The following DNM3 variants were observed in gnomAD, a reference collection of about 807,000 sequenced individuals.
DNM3 encodes the protein dynamin-3.
In DNM3, 47 loss-of-function variants were observed where a neutral mutation model predicts 101.6. That is an observed-to-expected ratio of 0.46 (90% CI 0.37 to 0.59). DNM3 has a LOEUF of 0.59. Among genes scored for constraint, DNM3 ranks in the 20% least tolerant of loss-of-function variants. DNM3 has a pLI of 0.00. For missense variants in DNM3, 849 were observed against 1,085.7 expected, an observed-to-expected ratio of 0.78 and a Z score of 3.06; for synonymous variants, 385 against 387.9, an observed-to-expected ratio of 0.99 and a Z score of 0.09.
chr1:172,137,665 G>C (rs2057316542), intron 14 of DNM3: 1 of 152,142 alleles, frequency 6.6e-6, no homozygotes, highest in African/African-American at 2.4e-5. Flanking sequence ...AAAAAGTTTT[G>C]AGTAGCCTTG....
chr1:172,000,592 A>T (rs1051066538), intron 4 of DNM3, among the ~76,000 whole-genome samples: 4 of 152,100 alleles, frequency 2.6e-5, no homozygotes, highest in Non-Finnish European at 5.9e-5. Flanking sequence ...TCAGTAGTAA[A>T]CAGAAAGAAA....
intron 1 of DNM3, among the ~76,000 whole-genome samples, chr1:171,896,737 AT>A (rs1172004463): frequency 2.6e-5 from 4 of 151,962 alleles, no homozygotes; most frequent in African/African-American, 4.8e-5. Context: ...AACACTTGCA[AT>A]TTTTTTCTGA....
intron 2 of DNM3, among the ~76,000 whole-genome samples, chr1:171,976,768 G>A (rs2044404889): frequency 6.6e-6 from 1 of 152,118 alleles, no homozygotes; most frequent in South Asian, 2.1e-4. Context: ...ATATTATAAT[G>A]TATCCAGCAA....
At chr1:172,097,535 C>G (rs1393590013) in intron 13 of DNM3, among the ~76,000 whole-genome samples, 1 of 152,144 alleles carries the variant, frequency 6.6e-6, no homozygotes, top group South Asian at 2.1e-4. Context: ...TCAATAAATA[C>G]ATGGTATCCG....
intron 6 of DNM3, among the ~76,000 whole-genome samples, chr1:172,037,397 C>T (rs934029070): frequency 6.6e-6 from 1 of 152,156 alleles, no homozygotes; most frequent in African/African-American, 2.4e-5. Flanking sequence ...ACCCAAATGT[C>T]CAACAATGAT....
chr1:172,154,948 A>C (rs943981407), intron 14 of DNM3, among the ~76,000 whole-genome samples: 1 of 152,094 alleles, frequency 6.6e-6, no homozygotes, highest in African/African-American at 2.4e-5. Flanking sequence ...CTAAGTTTTA[A>C]TATAGCTATT....
intron 15 of DNM3, among the ~76,000 whole-genome samples, chr1:172,290,261 C>T (rs984687151): frequency 1.1e-4 from 17 of 151,896 alleles, no homozygotes; most frequent in African/African-American, 2.9e-4. Flanking sequence ...ATGATGAAAA[C>T]GGAATAATGA....
intron 2 of DNM3, among the ~76,000 whole-genome samples, chr1:171,948,889 G>A (rs2042330279): frequency 6.6e-6 from 1 of 152,076 alleles, no homozygotes. Flanking sequence ...AAAATGCAGT[G>A]TTATGTGACT....
intron 14 of DNM3, among the ~76,000 whole-genome samples, chr1:172,148,482 G>A (rs570740306): frequency 1.6e-4 from 25 of 152,120 alleles, no homozygotes; most frequent in African/African-American, 5.8e-4. Context: ...ATTTATATAT[G>A]TGTCTGCAGC....
At chr1:172,226,164 T>C (rs1039746115) in intron 14 of DNM3, among the ~76,000 whole-genome samples, 5 of 152,152 alleles carry the variant, frequency 3.3e-5, no homozygotes, top group African/African-American at 1.2e-4. Context: ...GGTCAACAGA[T>C]ATCTTCATTT....
chr1:171,971,297 C>T (rs1305977745), intron 2 of DNM3, among the ~76,000 whole-genome samples: 1 of 151,914 alleles, frequency 6.6e-6, no homozygotes, highest in Admixed American at 6.6e-5. Context: ...ATGAAGTCTC[C>T]TAAGTCTAAT....
chr1:172,134,029 A>G (rs2057085527), intron 14 of DNM3, among the ~76,000 whole-genome samples: 1 of 152,138 alleles, frequency 6.6e-6, no homozygotes, highest in African/African-American at 2.4e-5. Flanking sequence ...GATTGTGCAT[A>G]ATAAGTGGTA....
chr1:172,408,751 A>T lies in DNM3; in HGVS notation c.*910A>T. ...TTTTACTATTATTATTTTGGTTGGA[A>T]AAAAAATTCACTCTTTACGTGCTAA... is the stretch of plus-strand genomic sequence containing the variant. On this transcript the variant is annotated 3_prime_UTR_variant, in exon 21 of 21. Coordinates refer to ENST00000627582, the MANE Select transcript of DNM3 (RefSeq NM_015569.5). 3 of 985,260 alleles carry T rather than the reference A, an allele frequency of 3.0e-6. No homozygotes were observed. The highest frequency in any genetic ancestry group is 3.6e-6 in the Non-Finnish European group (3 of 829,820). The allele number at this position is 985,260 out of a possible 1,614,324, so 61.0% of individuals were successfully genotyped here.
intron 12 of DNM3, among the ~76,000 whole-genome samples, chr1:172,088,247 G>A (rs1401160222): frequency 6.6e-6 from 1 of 152,128 alleles, no homozygotes; most frequent in Non-Finnish European, 1.5e-5. Flanking sequence ...GGCTTTGGGA[G>A]TGCATGAAAA....
intron 20 of DNM3, among the ~76,000 whole-genome samples, chr1:172,397,502 T>C (rs929068162): frequency 6.6e-6 from 1 of 152,214 alleles, no homozygotes; most frequent in Non-Finnish European, 1.5e-5. Context: ...GTGATTAGCT[T>C]ACTTAAGTGT....
chr1:172,359,305 ATCT>A (rs1033328914), intron 17 of DNM3, among the ~76,000 whole-genome samples: 3 of 151,784 alleles, frequency 2.0e-5, no homozygotes, highest in African/African-American at 4.8e-5. Flanking sequence ...CTTCTTAGAA[ATCT>A]TCTTGCTGTT....
At chr1:171,852,425 G>A (rs144616222) in intron 1 of DNM3, among the ~76,000 whole-genome samples, 22 of 152,306 alleles carry the variant, frequency 1.4e-4, no homozygotes, top group Non-Finnish European at 1.3e-4. Context: ...ATCATATGTT[G>A]AGAGTCCACA....
intron 1 of DNM3, among the ~76,000 whole-genome samples, chr1:171,879,006 G>C (rs1223533939): frequency 1.3e-5 from 2 of 152,166 alleles, no homozygotes; most frequent in African/African-American, 4.8e-5. Context: ...TTTTCTGTCA[G>C]AGTGTATGTA....
chr1:172,290,930 G>C (rs10911502), intron 15 of DNM3, among the ~76,000 whole-genome samples: 43,458 of 151,996 alleles, frequency 0.29, 6,347 homozygotes, highest in African/African-American at 0.33. Context: ...TGGGAGTCAG[G>C]CGGGTGTGAT....
Sources: allele counts gnomAD v4.1 joint callset (sites outside exome capture counted in the v4.1 genomes callset), GRCh38; gene constraint gnomAD v4.1.1; transcripts MANE v1.5; gene names NCBI Gene and HGNC (gene_info 2026-07-23, HGNC 2026-07-21).